The following CNTNAP2 variants were observed in gnomAD, a reference collection of about 807,000 sequenced individuals.
The protein encoded by CNTNAP2 is contactin associated protein 2, also known as contactin-associated protein-like 2.
Under a neutral mutation model 155.2 loss-of-function variants are expected in CNTNAP2, and 98 were observed. The ratio of observed to expected loss-of-function variants is 0.63; its 90% CI spans 0.54 to 0.75. The LOEUF is 0.75. Among genes scored for constraint, CNTNAP2 ranks in the 30% least tolerant of loss-of-function variants. The probability of loss-of-function intolerance (pLI) is 0.00; values close to 1 mark genes in which losing one functional copy is unlikely to be tolerated. For synonymous variants in CNTNAP2, 651 were observed against 631.2 expected, an observed-to-expected ratio of 1.03 and a Z score of -0.47; for missense variants, 1,727 against 1,688.1, an observed-to-expected ratio of 1.02 and a Z score of -0.40.
At chr7:146,684,659 A>AAAAAAAAAC (rs1800564159) in intron 1 of CNTNAP2, among the ~76,000 whole-genome samples, 1 of 149,930 alleles carries the variant, frequency 6.7e-6, no homozygotes, top group Non-Finnish European at 1.5e-5. Flanking sequence ...AAAAAAAAAA[A>AAAAAAAAAC]GCTGGAGGAT....
intron 11 of CNTNAP2, among the ~76,000 whole-genome samples, chr7:147,550,001 G>C (rs1799819920): frequency 6.6e-6 from 1 of 151,928 alleles, no homozygotes; most frequent in Admixed American, 6.6e-5. Flanking sequence ...CTCTGAGGGG[G>C]GAATATCACA....
intron 15 of CNTNAP2, among the ~76,000 whole-genome samples, chr7:148,009,272 A>G (rs969336679): frequency 7.9e-5 from 12 of 152,174 alleles, no homozygotes; most frequent in Non-Finnish European, 1.0e-4. Context: ...TGAATATCTC[A>G]TGTGATTTAT....
At chr7:148,007,405 C>A (rs888313486) in intron 15 of CNTNAP2, among the ~76,000 whole-genome samples, 2 of 152,070 alleles carry the variant, frequency 1.3e-5, no homozygotes. Flanking sequence ...TTTATGTTGA[C>A]AATATAGAAA....
At chr7:146,633,811 C>G (rs1799549070) in intron 1 of CNTNAP2, among the ~76,000 whole-genome samples, 1 of 108,812 alleles carries the variant, frequency 9.2e-6, no homozygotes, top group Non-Finnish European at 1.7e-5. Context: ...GCCTGGGCAA[C>G]AGAGCGAGAC....
intron 9 of CNTNAP2, among the ~76,000 whole-genome samples, chr7:147,363,831 T>C (rs1253956859): frequency 6.6e-6 from 1 of 152,242 alleles, no homozygotes; most frequent in East Asian, 1.9e-4. Flanking sequence ...AAAAACTACA[T>C]CTAGCACATG....
chr7:147,228,514 C>T (rs902226342), intron 8 of CNTNAP2, among the ~76,000 whole-genome samples: 7 of 152,126 alleles, frequency 4.6e-5, no homozygotes, highest in Non-Finnish European at 7.4e-5. Context: ...GCAGATGACT[C>T]ACTGGTTAGA....
At chr7:146,984,951 G>A (rs1180378809) in intron 3 of CNTNAP2, among the ~76,000 whole-genome samples, 2 of 152,172 alleles carry the variant, frequency 1.3e-5, no homozygotes, top group Non-Finnish European at 2.9e-5. Context: ...GAATTCATGT[G>A]TTTCAGCATC....
At chr7:147,643,333 A>G (rs1795316320) in intron 13 of CNTNAP2, 1 of 152,118 alleles carries the variant, frequency 6.6e-6, no homozygotes, top group South Asian at 2.1e-4. Context: ...CGTAAAGTGA[A>G]TTTCAGCTTA....
chr7:146,613,576 AATTTAT>A (rs1799175501), intron 1 of CNTNAP2, among the ~76,000 whole-genome samples: 3 of 151,642 alleles, frequency 2.0e-5, no homozygotes, highest in African/African-American at 7.3e-5. Flanking sequence ...AGATAAAATT[AATTTAT>A]TTTATTTAAT....
intron 15 of CNTNAP2, among the ~76,000 whole-genome samples, chr7:148,084,028 A>G (rs1230687537): frequency 6.6e-6 from 1 of 152,192 alleles, no homozygotes; most frequent in Non-Finnish European, 1.5e-5. Flanking sequence ...CCAAAATGTT[A>G]CATTCTGATT....
chr7:146,812,576 G>A (rs550369398), intron 2 of CNTNAP2, among the ~76,000 whole-genome samples: 2 of 151,820 alleles, frequency 1.3e-5, no homozygotes, highest in South Asian at 2.1e-4. Flanking sequence ...TTTCTAAGTG[G>A]CAAAGCTCTC....
At chr7:147,969,906 T>G (rs1261895695) in intron 14 of CNTNAP2, among the ~76,000 whole-genome samples, 1 of 146,726 alleles carries the variant, frequency 6.8e-6, no homozygotes, top group Admixed American at 7.2e-5. Flanking sequence ...TTTTTAGTTA[T>G]GAATTTATTT....
At chr7:147,008,698 A>G (rs1308523308) in intron 3 of CNTNAP2, among the ~76,000 whole-genome samples, 1 of 151,810 alleles carries the variant, frequency 6.6e-6, no homozygotes, top group Admixed American at 6.6e-5. Context: ...CAGCAAAACA[A>G]AAGAAAAGGA....
intron 20 of CNTNAP2, among the ~76,000 whole-genome samples, chr7:148,245,978 AG>A (rs1463069148): frequency 7.9e-5 from 12 of 152,344 alleles, no homozygotes; most frequent in African/African-American, 2.6e-4. Flanking sequence ...AGCATTAAAA[AG>A]CTTCAGTGTT....
intron 1 of CNTNAP2, among the ~76,000 whole-genome samples, chr7:146,583,145 T>C (rs1584992654): frequency 6.6e-6 from 1 of 152,010 alleles, no homozygotes; most frequent in East Asian, 1.9e-4. Flanking sequence ...AAATGTCTAA[T>C]AGAAAGAAAA....
intron 15 of CNTNAP2, among the ~76,000 whole-genome samples, chr7:148,054,080 C>T (rs1802960392): frequency 1.3e-5 from 2 of 150,774 alleles, no homozygotes; most frequent in South Asian, 2.1e-4. Context: ...TCACGCCATT[C>T]TCCTGCCTCA....
intron 1 of CNTNAP2, among the ~76,000 whole-genome samples, chr7:146,718,273 A>C (rs1284781659): frequency 5.3e-5 from 8 of 152,174 alleles, no homozygotes; most frequent in Admixed American, 5.2e-4. Flanking sequence ...CTACTAACCA[A>C]TGAAATAATT....
At chr7:147,764,626 A>G (rs147955317) in intron 13 of CNTNAP2, among the ~76,000 whole-genome samples, 2 of 152,352 alleles carry the variant, frequency 1.3e-5, no homozygotes, top group Admixed American at 6.5e-5. Context: ...ATGGTGAGTC[A>G]ATATAATCTT....
chr7:147,805,413 T>C (rs1165834154), intron 13 of CNTNAP2, among the ~76,000 whole-genome samples: 1 of 152,216 alleles, frequency 6.6e-6, no homozygotes, highest in East Asian at 1.9e-4. Flanking sequence ...GGATGAGCTT[T>C]ATTTCTTTAT....
Sources: gnomAD v4.1 joint callset for allele counts (sites outside exome capture counted in the v4.1 genomes callset) on GRCh38, gnomAD v4.1.1 for gene constraint, MANE v1.5 for transcripts, NCBI Gene and HGNC (gene_info 2026-07-23, HGNC 2026-07-21) for gene names.